The following MELK variants were observed in gnomAD, a reference collection of about 807,000 sequenced individuals.
The protein encoded by MELK is pEg3 kinase.
In MELK, 81 loss-of-function variants were observed where a neutral mutation model predicts 85.0. The ratio of observed to expected loss-of-function variants is 0.95; its 90% CI spans 0.80 to 1.15. The LOEUF is 1.15. Ranked by LOEUF, MELK falls within the 50% of genes most tolerant of loss-of-function variation. The probability of loss-of-function intolerance (pLI) is 0.00; values close to 1 mark genes in which losing one functional copy is unlikely to be tolerated. For missense variants in MELK, 754 were observed against 777.5 expected (o/e 0.97, Z 0.36); for synonymous variants, 252 against 265.0 (o/e 0.95, Z 0.48).
intron 8 of MELK, among the ~76,000 whole-genome samples, chr9:36,614,151 C>CAGT (rs1467509741): frequency 6.7e-6 from 1 of 148,544 alleles, no homozygotes; most frequent in Non-Finnish European, 1.5e-5. Flanking sequence ...GGCTGGAGTG[C>CAGT]AGTGGTGCGT....
chr9:36,652,440 G>A (rs920290915), intron 12 of MELK, among the ~76,000 whole-genome samples: 4 of 151,012 alleles, frequency 2.6e-5, no homozygotes, highest in African/African-American at 7.3e-5. Context: ...TATAGAAAAT[G>A]TTTAAGCCAG....
chr9:36,594,698 T>A lies in MELK; in HGVS notation c.332T>A (p.Val111Asp), dbSNP rs758752489. Residue 111 changes from valine (V) to aspartate (D), a missense_variant, in exon 5 of 18, where the codon GTT (valine) becomes GAT (aspartate). Coordinates refer to ENST00000298048, the MANE Select transcript of MELK (RefSeq NM_014791.4). ...CGCCTGTCAGAAGAGGAGACCCGGGTTGTCTTCCGTCAGATAGTATCTGCT... is the reference window on the plus strand; with the variant it reads ...CGCCTGTCAGAAGAGGAGACCCGGGATGTCTTCCGTCAGATAGTATCTGCT... ...QDRLSEEETR[V>D]VFRQIVSAVA... 6.2e-7 allele frequency: 1 copy of A among 1,613,970 alleles called. No individual in the cohort carries two copies. Among genetic ancestry groups the A allele is most frequent in the African/African-American group, 1.3e-5 (1 of 74,912 alleles).
intron 6 of MELK, among the ~76,000 whole-genome samples, chr9:36,598,918 G>C (rs1252519024): frequency 6.6e-6 from 1 of 152,218 alleles, no homozygotes; most frequent in Non-Finnish European, 1.5e-5. Flanking sequence ...ATGCACACAT[G>C]TATACAGAGT....
rs186533415 is a variant in MELK, at chr9:36,589,391, G to T, written c.145-145G>T. ...TCTCGATTTCCTGACCTCATGATCC[G>T]CCCGCCTCGGCCTCCCAAAGTGCGG... On this transcript the variant is annotated intron_variant, in intron 3 of 17. Coordinates refer to ENST00000298048, the MANE Select transcript of MELK (RefSeq NM_014791.4). 4.0e-4 allele frequency: 239 copies of T among 595,904 alleles called. 1 individual carries two copies. Among genetic ancestry groups the T allele is most frequent in the Non-Finnish European group, 2.3e-4 (75 of 327,510 alleles). The allele number at this position is 595,904 out of a possible 1,614,324, so 36.9% of individuals were successfully genotyped here.
chr9:36,620,085 T>C (rs1015600327), intron 8 of MELK, among the ~76,000 whole-genome samples: 3 of 152,176 alleles, frequency 2.0e-5, no homozygotes, highest in African/African-American at 7.2e-5. Flanking sequence ...AAATAACTTA[T>C]TCAGGGTCTT....
At chr9:36,632,659 A>G (rs894514408) in intron 9 of MELK, among the ~76,000 whole-genome samples, 1 of 152,228 alleles carries the variant, frequency 6.6e-6, no homozygotes, top group Non-Finnish European at 1.5e-5. Flanking sequence ...TTACATTTGA[A>G]AATTACAAAT....
chr9:36,584,807 T>G (rs1822707322), intron 3 of MELK, among the ~76,000 whole-genome samples: 2 of 150,886 alleles, frequency 1.3e-5, no homozygotes, highest in Admixed American at 1.3e-4. Context: ...AGCCTGTACC[T>G]GCTGGGCTTA....
intron 13 of MELK, among the ~76,000 whole-genome samples, chr9:36,657,578 C>A (rs1564215634): frequency 6.6e-6 from 1 of 152,112 alleles, no homozygotes; most frequent in African/African-American, 2.4e-5. Context: ...TTTACTGCTC[C>A]TTTATTTCCT....
In MELK at chr9:36,654,349, C is replaced by CTTTTT. The variant is rs34436735; in HGVS notation, c.1053+2492_1053+2496dup. Among the ~76,000 whole-genome samples the CTTTTT allele has an allele frequency of 5.1e-4, 43 of 84,142 alleles. 1 individual carries two copies. The highest frequency in any genetic ancestry group is 6.0e-4 in the Non-Finnish European group (28 of 46,664). 55.2% of individuals were successfully genotyped at this position (84,142 alleles called of 152,430 possible). ...ACATTTTCCTGAGACATTGGATTGT[C>CTTTTT]TTTTTTTTTTTTTTTTTTTTTTTTG... On this transcript the variant is annotated intron_variant, in intron 12 of 17. Transcript: ENST00000298048.
At chr9:36,632,560 C>T (rs2136548251) in intron 9 of MELK, among the ~76,000 whole-genome samples, 1 of 152,254 alleles carries the variant, frequency 6.6e-6, no homozygotes, top group African/African-American at 2.4e-5. Context: ...GGCCAGACCA[C>T]CAAATCTCCG....
intron 8 of MELK, among the ~76,000 whole-genome samples, chr9:36,610,747 T>C (rs1295491420): frequency 6.6e-6 from 1 of 152,194 alleles, no homozygotes; most frequent in Non-Finnish European, 1.5e-5. Context: ...AGGGTTAGGA[T>C]CTTTTTGTGG....
At chr9:36,661,019 AAGAC>A (rs1288325161) in intron 13 of MELK, among the ~76,000 whole-genome samples, 6 of 152,118 alleles carry the variant, frequency 3.9e-5, no homozygotes, top group Non-Finnish European at 8.8e-5. Context: ...AGAATAAAAA[AAGAC>A]AGCTTTCATA....
At chr9:36,573,661 A>G (rs906898619) in intron 1 of MELK, among the ~76,000 whole-genome samples, 2 of 151,950 alleles carry the variant, frequency 1.3e-5, no homozygotes, top group African/African-American at 4.8e-5. Flanking sequence ...ATCCGCCACC[A>G]CGCCCGGCTC....
At chr9:36,636,802 T>TCTGTCTGTCTG (rs1829243605) in intron 10 of MELK, among the ~76,000 whole-genome samples, 14 of 75,306 alleles carry the variant, frequency 1.9e-4, no homozygotes, top group African/African-American at 4.9e-4. Flanking sequence ...CTTTCTTTCT[T>TCTGTCTGTCTG]TCTGTCTTTC....
At chr9:36,596,422 A>AT (rs1824246955) in intron 5 of MELK, among the ~76,000 whole-genome samples, 2 of 151,212 alleles carry the variant, frequency 1.3e-5, no homozygotes, top group Non-Finnish European at 1.5e-5. Flanking sequence ...CGCCCGGCTA[A>AT]TTTTTTTTGT....
In MELK at chr9:36,644,288, G is replaced by A. The variant is rs980125625; in HGVS notation, c.921+1205G>A. Among the ~76,000 whole-genome samples the A allele has an allele frequency of 2.6e-5, 4 of 151,732 alleles. No individual in the cohort carries two copies. The East Asian group carries it at 5.8e-4, about 22-fold the overall frequency. ...CAAGGCAGTCACAGCTGTCTCTAAT[G>A]TGAAGGGTGACTTGTACCTCACTTT... is the stretch of plus-strand genomic sequence containing the variant. On this transcript the variant is annotated intron_variant, in intron 11 of 17. Transcript: ENST00000298048.
At chr9:36,662,762 A>G (rs560639552) in intron 13 of MELK, among the ~76,000 whole-genome samples, 1 of 152,132 alleles carries the variant, frequency 6.6e-6, no homozygotes, top group Non-Finnish European at 1.5e-5. Flanking sequence ...TGAAAAACCA[A>G]CCTCAGTCTA....
chr9:36,583,262 C>T (rs192970940), intron 2 of MELK, among the ~76,000 whole-genome samples: 94 of 152,170 alleles, frequency 6.2e-4, no homozygotes, highest in African/African-American at 2.2e-3. Context: ...CGTGAGCCAC[C>T]GCGCCCGGCC....
chr9:36,676,100 T>C (rs1466522427), intron 17 of MELK, among the ~76,000 whole-genome samples: 2 of 152,218 alleles, frequency 1.3e-5, no homozygotes, highest in Non-Finnish European at 2.9e-5. Context: ...TAAATTGTTC[T>C]ATGCCTCATC....
Sources: allele counts gnomAD v4.1 joint callset (sites outside exome capture counted in the v4.1 genomes callset), GRCh38; gene constraint gnomAD v4.1.1; transcripts MANE v1.5; gene names NCBI Gene and HGNC (gene_info 2026-07-23, HGNC 2026-07-21).